DLGAP2: variants seen among roughly 807,000 people sequenced by gnomAD.
DLGAP2 encodes disks large-associated protein 2.
In DLGAP2, 26 loss-of-function variants were observed where a neutral mutation model predicts 100.3. That is an observed-to-expected ratio of 0.26 (90% CI 0.19 to 0.36). DLGAP2 has a LOEUF of 0.36. DLGAP2 is among the 10% of genes least tolerant of loss of function. The pLI is 1.00. For synonymous variants in DLGAP2, 886 were observed against 630.1 expected (o/e 1.41, Z -6.08); for missense variants, 1,858 against 1,453.2 (o/e 1.28, Z -4.53).
At position 1,611,005 on chromosome 8, in the gene DLGAP2, TA is replaced by T. The variant is rs1031544008; in HGVS notation, c.1443-15734del. ...TTCCTTCTGAAACTATTCCAATCAATAGAAAAAGAGGAAATCCTCCCTAACT... is the reference window on the plus strand; with the variant it reads ...TTCCTTCTGAAACTATTCCAATCAATGAAAAAGAGGAAATCCTCCCTAACT... On this transcript the variant is annotated intron_variant, in intron 6 of 14. Coordinates refer to ENST00000637795, the MANE Select transcript of DLGAP2 (RefSeq NM_001346810.2). Among the ~76,000 whole-genome samples the T allele has an allele frequency of 5.6e-3, 710 of 127,788 alleles. 4 individuals are homozygous for T. Among genetic ancestry groups the T allele is most frequent in the Non-Finnish European group, 7.9e-3 (478 of 60,604 alleles). The allele number at this position is 127,788 out of a possible 152,430, so 83.8% of individuals were successfully genotyped here. A position where few individuals can be genotyped will look rare whatever the true frequency, so the allele number is the denominator to read the frequency against.
intron 2 of DLGAP2, among the ~76,000 whole-genome samples, chr8:1,221,279 G>A (rs58458566): frequency 6.6e-6 from 1 of 152,116 alleles, no homozygotes; most frequent in Admixed American, 6.5e-5. Context: ...GGACCTCTTC[G>A]AAGGCAGGTC....
Position 1,130,955 on chromosome 8 carries a change from C to T in DLGAP2, c.74-127896C>T, listed in dbSNP as rs1000081279. ...GAGGGGAAGGGTGGCTCTGAGGGGC[C>T]GGTCCTGGCTGTGTCCTACTGTTGC... On this transcript the variant is annotated intron_variant, in intron 2 of 14. Transcript: ENST00000637795. 2.6e-5 allele frequency among the ~76,000 whole-genome samples: 4 copies of T among 152,138 alleles called. No individual in the cohort carries two copies. In the East Asian group the frequency reaches 5.8e-4, roughly 22 times the overall value.
intron 3 of DLGAP2, among the ~76,000 whole-genome samples, chr8:1,432,766 G>C (rs939779058): frequency 3.9e-5 from 6 of 152,188 alleles, no homozygotes; most frequent in African/African-American, 1.4e-4. Flanking sequence ...CAGCATGCAG[G>C]TTACGGGTGA....
Position 952,894 on chromosome 8 carries a change from G to A in DLGAP2, c.73+44928G>A, listed in dbSNP as rs563492200. Among the ~76,000 whole-genome samples the A allele has an allele frequency of 2.6e-5, 4 of 152,306 alleles. No homozygotes were observed. In the South Asian group the frequency reaches 6.2e-4, roughly 24 times the overall value. ...AAATGCATTCTCACACAAATATGGA[G>A]TTAGGCCATATTGATAAACACTTTG... is the stretch of plus-strand genomic sequence containing the variant. On this transcript the variant is annotated intron_variant, in intron 2 of 14. Coordinates refer to ENST00000637795, the MANE Select transcript of DLGAP2 (RefSeq NM_001346810.2).
chr8:827,396 T>C (rs1199255293), intron 1 of DLGAP2, among the ~76,000 whole-genome samples: 1 of 152,206 alleles, frequency 6.6e-6, no homozygotes, highest in Non-Finnish European at 1.5e-5. Flanking sequence ...ATTTTTAAAA[T>C]ACACATTTGG....
intron 2 of DLGAP2, among the ~76,000 whole-genome samples, chr8:1,210,993 C>G (rs1487232512): frequency 2.0e-5 from 3 of 152,266 alleles, no homozygotes; most frequent in African/African-American, 4.8e-5. Context: ...GAGGCTGCGG[C>G]TGTCTTTAAA....
At chr8:898,639 C>G (rs1185772901) in intron 1 of DLGAP2, among the ~76,000 whole-genome samples, 1 of 148,890 alleles carries the variant, frequency 6.7e-6, no homozygotes, top group Admixed American at 6.6e-5. Context: ...GCCCCTGCAG[C>G]TCATTGCTGG....
At chr8:1,315,859 G>A (rs1201331273) in intron 3 of DLGAP2, among the ~76,000 whole-genome samples, 1 of 119,806 alleles carries the variant, frequency 8.3e-6, no homozygotes, top group Non-Finnish European at 1.8e-5. Context: ...CTGTGCGAGT[G>A]CAGCGTCTCT....
chr8:1,033,226 A>T (rs905434680), intron 2 of DLGAP2, among the ~76,000 whole-genome samples: 2 of 152,186 alleles, frequency 1.3e-5, no homozygotes, highest in Non-Finnish European at 2.9e-5. Flanking sequence ...AGCAATGGTC[A>T]GAGCTGCTGG....
chr8:1,201,725 A>G (rs966212345), intron 2 of DLGAP2, among the ~76,000 whole-genome samples: 3 of 152,202 alleles, frequency 2.0e-5, no homozygotes, highest in Admixed American at 2.0e-4. Context: ...GACCCAGAGC[A>G]CATTTCCCTG....
intron 3 of DLGAP2, among the ~76,000 whole-genome samples, chr8:1,384,627 G>A (rs71183715): frequency 8.2e-4 from 77 of 93,462 alleles, no homozygotes; most frequent in South Asian, 1.6e-3. Context: ...CAGTTACCCC[G>A]GCCTGTGCCC....
At chr8:848,973 CGTGAGGT>C (rs1797126974) in intron 1 of DLGAP2, among the ~76,000 whole-genome samples, 1 of 149,836 alleles carries the variant, frequency 6.7e-6, no homozygotes, top group Non-Finnish European at 1.5e-5. Context: ...AGCATAGGAT[CGTGAGGT>C]GCCTGTTCCA....
At chr8:1,030,160 A>C (rs1485864254) in intron 2 of DLGAP2, among the ~76,000 whole-genome samples, 1 of 152,250 alleles carries the variant, frequency 6.6e-6, no homozygotes, top group Non-Finnish European at 1.5e-5. Context: ...CTCTTACAAC[A>C]GTCTAAGTGG....
In DLGAP2 at chr8:1,602,575, T is replaced by G. The variant is rs116444990; in HGVS notation, c.1443-24165T>G. Among the ~76,000 whole-genome samples the G allele has an allele frequency of 3.0e-3, 462 of 152,318 alleles. 5 individuals are homozygous for G. Among genetic ancestry groups the G allele is most frequent in the African/African-American group, 0.01 (436 of 41,570 alleles). On this transcript the variant is annotated intron_variant, in intron 6 of 14. Coordinates refer to ENST00000637795, the MANE Select transcript of DLGAP2 (RefSeq NM_001346810.2). Reference sequence around the variant, plus strand: ...CTCAGGCCTGCCCACCTGCACTGGCTTCATTCAGACCGTCCCAGGCAATGA... The same window carrying G: ...CTCAGGCCTGCCCACCTGCACTGGCGTCATTCAGACCGTCCCAGGCAATGA...
chr8:1,507,262 C>A (rs1337556756), intron 4 of DLGAP2, among the ~76,000 whole-genome samples: 1 of 152,222 alleles, frequency 6.6e-6, no homozygotes. Context: ...GAGGGGGAGG[C>A]TCAGGCATGG....
intron 1 of DLGAP2, among the ~76,000 whole-genome samples, chr8:866,765 A>G (rs1797506001): frequency 6.6e-6 from 1 of 152,120 alleles, no homozygotes; most frequent in African/African-American, 2.4e-5. Flanking sequence ...CCTTTCTAGA[A>G]TCGACCGTTT....
At chr8:1,552,958 A>T (rs554608420) in intron 5 of DLGAP2, among the ~76,000 whole-genome samples, 5 of 152,308 alleles carry the variant, frequency 3.3e-5, no homozygotes, top group African/African-American at 1.2e-4. Context: ...ATCTAAGGTC[A>T]AACTTTTCAT....
chr8:1,151,366 G>A (rs1354152421), intron 2 of DLGAP2, among the ~76,000 whole-genome samples: 4 of 152,160 alleles, frequency 2.6e-5, no homozygotes, highest in Admixed American at 6.5e-5. Context: ...GGAGACTCAG[G>A]GGCTCATAGG....
At chr8:1,215,179 T>G (rs1798189394) in intron 2 of DLGAP2, among the ~76,000 whole-genome samples, 1 of 152,208 alleles carries the variant, frequency 6.6e-6, no homozygotes, top group Admixed American at 6.5e-5. Flanking sequence ...AGTGTCTCAT[T>G]TTTGGAAAGG....
Sources: allele counts gnomAD v4.1 joint callset (sites outside exome capture counted in the v4.1 genomes callset), GRCh38; gene constraint gnomAD v4.1.1; transcripts MANE v1.5; gene names NCBI Gene and HGNC (gene_info 2026-07-23, HGNC 2026-07-21).